The following ROCK2 variants were observed in gnomAD, a reference collection of about 807,000 sequenced individuals.
ROCK2 encodes the protein Rho associated coiled-coil containing protein kinase 2.
ROCK2 carries 61 observed loss-of-function variants against 195.1 expected under a neutral mutation model. The observed-to-expected ratio is 0.31, with a 90% CI of 0.25 to 0.39. The LOEUF is 0.39. Ranked by LOEUF, ROCK2 falls within the 10% of genes least tolerant of loss-of-function variation. ROCK2 has a pLI of 1.00. For missense variants in ROCK2, 1,109 were observed against 1,637.4 expected (o/e 0.68, Z 5.57); for synonymous variants, 504 against 545.5 (o/e 0.92, Z 1.06).
intron 1 of ROCK2, among the ~76,000 whole-genome samples, chr2:11,342,443 ACT>A (rs1478437991): frequency 6.6e-6 from 1 of 152,194 alleles, no homozygotes; most frequent in African/African-American, 2.4e-5. Context: ...GCTCAGAATA[ACT>A]CTAATAATTA....
chr2:11,199,647 C>T (rs1207502882), intron 23 of ROCK2, among the ~76,000 whole-genome samples: 1 of 152,076 alleles, frequency 6.6e-6, no homozygotes, highest in Non-Finnish European at 1.5e-5. Flanking sequence ...TTCTATCTTA[C>T]TGAATTTATC....
At position 11,331,750 on chromosome 2, in the gene ROCK2, C is replaced by T. The variant is rs1668773394; in HGVS notation, c.141+12246G>A. Among the ~76,000 whole-genome samples the T allele has an allele frequency of 3.3e-5, 5 of 152,140 alleles. No homozygotes were observed. In the South Asian group the frequency reaches 1.0e-3, roughly 32 times the overall value. ...GACCAGCCTGGCCAACATAGTGAAA[C>T]CCTGTCTCTGCTAAAAATACAAAAA... On this transcript the variant is annotated intron_variant, in intron 1 of 32. Coordinates refer to ENST00000315872, the MANE Select transcript of ROCK2 (RefSeq NM_004850.5).
chr2:11,214,693 A>T, intron 16 of ROCK2, 147 bp downstream of exon 16: 1 of 813,158 alleles, frequency 1.2e-6, no homozygotes, highest in Non-Finnish European at 1.9e-6. Flanking sequence ...TTGTTCCTAA[A>T]ATTTTGTATC....
At chr2:11,250,497 A>C (rs1482074336) in intron 3 of ROCK2, among the ~76,000 whole-genome samples, 1 of 152,242 alleles carries the variant, frequency 6.6e-6, no homozygotes, top group Non-Finnish European at 1.5e-5. Flanking sequence ...TGATTATAAC[A>C]GTTAACATTT....
upstream of ROCK2, among the ~76,000 whole-genome samples, chr2:11,344,791 C>G (rs1465457107): frequency 6.6e-6 from 1 of 150,600 alleles, no homozygotes; most frequent in African/African-American, 2.4e-5. This position sits in a 1 kb window ranked among gnomAD's most constrained non-coding sequence, Gnocchi z 5.4. Flanking sequence ...CCGCTTTCTC[C>G]TCTGCGCCCC....
intron 1 of ROCK2, among the ~76,000 whole-genome samples, chr2:11,338,114 C>T (rs4669712): frequency 0.81 from 122,577 of 152,016 alleles, 51,092 homozygotes; most frequent in East Asian, 0.99. Context: ...GGGGCTGAGG[C>T]TGGAGGATCA....
chr2:11,323,828 C>G (rs1668469258), intron 1 of ROCK2, among the ~76,000 whole-genome samples: 1 of 152,108 alleles, frequency 6.6e-6, no homozygotes, highest in African/African-American at 2.4e-5. Flanking sequence ...ACTAACAAAC[C>G]TACAACACTG....
In ROCK2 at chr2:11,245,610, A is replaced by G. The variant is rs372431633; in HGVS notation, c.462+4051T>C. Among the ~76,000 whole-genome samples, 7 of 152,312 alleles carry G rather than the reference A, an allele frequency of 4.6e-5. No individual in the cohort carries two copies. In the East Asian group the frequency reaches 9.6e-4, roughly 21 times the overall value. ...GAATCTATTGTAAAGAAAAACTCAC[A>G]CATGTATAAAAGACAGACCTACAAG... On this transcript the variant is annotated intron_variant, in intron 4 of 32. Transcript: ENST00000315872.
intron 1 of ROCK2, among the ~76,000 whole-genome samples, chr2:11,314,309 T>A (rs1225528342): frequency 8.0e-6 from 1 of 124,270 alleles, no homozygotes; most frequent in East Asian, 2.3e-4. Flanking sequence ...TTGACTGACA[T>A]ACGTCCTTTG....
At chr2:11,312,658 G>C (rs1668073226) in intron 1 of ROCK2, among the ~76,000 whole-genome samples, 1 of 152,010 alleles carries the variant, frequency 6.6e-6, no homozygotes, top group Admixed American at 6.6e-5. Flanking sequence ...CTCAACTTAT[G>C]TTGGGGTTTT....
intron 1 of ROCK2, among the ~76,000 whole-genome samples, chr2:11,296,169 G>A (rs2148209172): frequency 6.6e-6 from 1 of 152,192 alleles, no homozygotes; most frequent in South Asian, 2.1e-4. Flanking sequence ...AAGAATGCTG[G>A]AGATGACAAT....
chr2:11,291,274 G>A (rs983335282), intron 1 of ROCK2, among the ~76,000 whole-genome samples: 1 of 152,204 alleles, frequency 6.6e-6, no homozygotes, highest in African/African-American at 2.4e-5. Context: ...TGTTGGCCAG[G>A]TGCAGTGGCT....
At chr2:11,253,869 C>T (rs1389598920) in intron 3 of ROCK2, among the ~76,000 whole-genome samples, 2 of 152,168 alleles carry the variant, frequency 1.3e-5, no homozygotes, top group Admixed American at 6.5e-5. Context: ...ATAAGGTAAA[C>T]CAAAGATATG....
intron 1 of ROCK2, among the ~76,000 whole-genome samples, chr2:11,339,581 A>T (rs1558407541): frequency 6.6e-6 from 1 of 152,098 alleles, no homozygotes. Context: ...AATATCCATT[A>T]AGTAGATCGG....
intron 5 of ROCK2, 44 bp from the exon 6 acceptor site, chr2:11,227,442 A>T: frequency 1.3e-6 from 2 of 1,558,404 alleles, no homozygotes; most frequent in Non-Finnish European, 1.7e-6. Flanking sequence ...TCAGTGTAAA[A>T]ACACACACTT....
chr2:11,190,856 T>C (rs1015079879), intron 32 of ROCK2, among the ~76,000 whole-genome samples: 2 of 152,218 alleles, frequency 1.3e-5, no homozygotes, highest in Non-Finnish European at 2.9e-5. Context: ...TCAGATGTTT[T>C]ACAGAAGGCA....
intron 1 of ROCK2, among the ~76,000 whole-genome samples, chr2:11,321,535 CAAAT>C (rs1291560236): frequency 6.6e-6 from 1 of 151,596 alleles, no homozygotes; most frequent in Non-Finnish European, 1.5e-5. Flanking sequence ...TTATTAGTCT[CAAAT>C]AAATAAACCT....
At chr2:11,309,008 G>A (rs1667950382) in intron 1 of ROCK2, 1 of 1,591,772 alleles carries the variant, frequency 6.3e-7, no homozygotes, top group East Asian at 2.2e-5. Context: ...ATAGCTCTGT[G>A]TAGCGTATTC....
At chr2:11,280,343 T>C (rs973859364) in intron 3 of ROCK2, among the ~76,000 whole-genome samples, 41 of 151,440 alleles carry the variant, frequency 2.7e-4, no homozygotes, top group African/African-American at 9.9e-4. Flanking sequence ...ATAATAAGGG[T>C]CCGGGTGCAG....
Sources: gnomAD v4.1 joint callset for allele counts (sites outside exome capture counted in the v4.1 genomes callset) on GRCh38, gnomAD v4.1.1 for gene constraint, Gnocchi (gnomAD v3.1) non-coding constraint, MANE v1.5 for transcripts, NCBI Gene and HGNC (gene_info 2026-07-23, HGNC 2026-07-21) for gene names.